IGSF11: variants seen among roughly 807,000 people sequenced by gnomAD.
IGSF11 encodes the protein immunoglobulin superfamily member 11.
IGSF11 carries 22 observed loss-of-function variants against 41.0 expected under a neutral mutation model. That is an observed-to-expected ratio of 0.54 (90% CI 0.38 to 0.77). The LOEUF (loss-of-function observed/expected upper bound fraction) is 0.77. Ranked by LOEUF, IGSF11 falls within the 30% of genes least tolerant of loss-of-function variation. The probability of loss-of-function intolerance (pLI) is 0.00; values close to 1 mark genes in which losing one functional copy is unlikely to be tolerated. For synonymous variants in IGSF11, 219 were observed against 201.3 expected (o/e 1.09, Z -0.74); for missense variants, 444 against 530.8 (o/e 0.84, Z 1.61).
At chr3:119,026,007 A>T (rs918485970) in intron 1 of IGSF11, among the ~76,000 whole-genome samples, 21 of 152,188 alleles carry the variant, frequency 1.4e-4, no homozygotes, top group African/African-American at 5.1e-4. Context: ...ATGGTGGCTC[A>T]TGCCTGTAAT....
At chr3:119,117,096 C>G (rs1453638507) in intron 1 of IGSF11, among the ~76,000 whole-genome samples, 1 of 152,006 alleles carries the variant, frequency 6.6e-6, no homozygotes, top group Non-Finnish European at 1.5e-5. Context: ...GTCTATTAAA[C>G]TCTTTCTCTG....
Position 119,105,172 on chromosome 3 carries a change from CA to C in IGSF11, c.20del (p.Leu7CysfsTer85). The C allele has an allele frequency of 6.2e-7, 1 of 1,609,162 alleles. No individual in the cohort carries two copies. The highest frequency in any genetic ancestry group is 8.5e-7 in the Non-Finnish European group (1 of 1,176,574). ...TTCTAGAAAAGCAGTTCCACCAGAGCAAAAGTTCCACCAGAGACATTTATTC... is the reference window on the plus strand; with the variant it reads ...TTCTAGAAAAGCAGTTCCACCAGAGCAAAGTTCCACCAGAGACATTTATTC... On this transcript the variant is annotated frameshift_variant, in exon 1 of 7. Transcript: ENST00000354673. LOFTEE classifies it high-confidence loss of function.
chr3:118,963,058 C>A (rs1394083200), intron 1 of IGSF11, among the ~76,000 whole-genome samples: 1 of 152,166 alleles, frequency 6.6e-6, no homozygotes, highest in Non-Finnish European at 1.5e-5. Context: ...ACACTGCCCA[C>A]TCTAGGTGAG....
intron 3 of IGSF11, among the ~76,000 whole-genome samples, chr3:118,927,264 A>G (rs1942409272): frequency 6.6e-6 from 1 of 152,180 alleles, no homozygotes; most frequent in African/African-American, 2.4e-5. Context: ...GGTAGCATTA[A>G]TTATAAAATA....
At chr3:119,046,783 C>T (rs1209526225) in intron 1 of IGSF11, among the ~76,000 whole-genome samples, 8 of 151,958 alleles carry the variant, frequency 5.3e-5, no homozygotes, top group Non-Finnish European at 1.0e-4. Flanking sequence ...GCCCATCAGA[C>T]TAACAGCGGA....
intron 1 of IGSF11, among the ~76,000 whole-genome samples, chr3:119,139,116 A>ATC (rs1559887592): frequency 6.6e-6 from 1 of 152,222 alleles, no homozygotes; most frequent in Non-Finnish European, 1.5e-5. Context: ...GTATCAAAAT[A>ATC]TCTCATTTAA....
chr3:119,045,336 C>G (rs1024839941), intron 1 of IGSF11, among the ~76,000 whole-genome samples: 1 of 152,234 alleles, frequency 6.6e-6, no homozygotes, highest in African/African-American at 2.4e-5. Context: ...ACTTGGGAAG[C>G]GCAAGGGGTC....
intron 1 of IGSF11, among the ~76,000 whole-genome samples, chr3:118,977,793 C>T (rs1934282952): frequency 6.6e-6 from 1 of 152,150 alleles, no homozygotes; most frequent in South Asian, 2.1e-4. Flanking sequence ...CTGTTCCAGA[C>T]CGGGAGCTCA....
At chr3:119,060,461 T>C (rs900108405) in intron 1 of IGSF11, among the ~76,000 whole-genome samples, 2 of 151,684 alleles carry the variant, frequency 1.3e-5, no homozygotes, top group African/African-American at 2.4e-5. Context: ...CAGTGATGGG[T>C]GTACATTTCA....
chr3:118,986,070 A>C (rs1935226386), intron 1 of IGSF11, among the ~76,000 whole-genome samples: 1 of 152,196 alleles, frequency 6.6e-6, no homozygotes, highest in South Asian at 2.1e-4. Flanking sequence ...ATTTGCAGTT[A>C]CACTTGTTAG....
chr3:119,039,860 G>GTGGTTTGTGAAA (rs1553719745), intron 1 of IGSF11, among the ~76,000 whole-genome samples: 6 of 152,174 alleles, frequency 3.9e-5, no homozygotes, highest in Non-Finnish European at 4.4e-5. Flanking sequence ...AAATTATGAC[G>GTGGTTTGTGAAA]GAGACAGTGA....
chr3:118,948,543 G>T (rs1944330791), intron 1 of IGSF11, among the ~76,000 whole-genome samples: 1 of 152,142 alleles, frequency 6.6e-6, no homozygotes, highest in African/African-American at 2.4e-5. Context: ...TAAACAGGGT[G>T]GTAATAGTCA....
At chr3:119,033,317 G>T (rs1044842455) in intron 1 of IGSF11, among the ~76,000 whole-genome samples, 6 of 152,100 alleles carry the variant, frequency 3.9e-5, no homozygotes, top group African/African-American at 1.4e-4. Context: ...AAAAGTAGTA[G>T]GACAGAGAGA....
chr3:118,990,538 A>C (rs1343634563), intron 1 of IGSF11, among the ~76,000 whole-genome samples: 11 of 152,202 alleles, frequency 7.2e-5, no homozygotes, highest in Admixed American at 7.2e-4. Flanking sequence ...TGAAATACAA[A>C]ATTCTAGAAA....
At chr3:119,109,266 A>C (rs1366780662), upstream of IGSF11, among the ~76,000 whole-genome samples, 3 of 148,900 alleles carry the variant, frequency 2.0e-5, no homozygotes, top group South Asian at 2.2e-4. Context: ...ACAATTTCAG[A>C]TCCTGTTATT....
chr3:119,006,653 CCTTT>C (rs1290912289), intron 1 of IGSF11, among the ~76,000 whole-genome samples: 1 of 131,432 alleles, frequency 7.6e-6, no homozygotes, highest in Non-Finnish European at 1.6e-5. Context: ...GTGTGGATGT[CCTTT>C]CTGTTTGTTA....
At chr3:119,138,002 A>C (rs2077585705) in intron 1 of IGSF11, among the ~76,000 whole-genome samples, 1 of 152,148 alleles carries the variant, frequency 6.6e-6, no homozygotes, top group Non-Finnish European at 1.5e-5. Context: ...TCAAAACTAC[A>C]ATGAGGTGAC....
chr3:118,976,299 T>G (rs761543278), intron 1 of IGSF11, among the ~76,000 whole-genome samples: 1 of 152,248 alleles, frequency 6.6e-6, no homozygotes, highest in African/African-American at 2.4e-5. Context: ...CCTTAAAAAT[T>G]AGTTTGTTTT....
intron 1 of IGSF11, among the ~76,000 whole-genome samples, chr3:119,077,603 C>T (rs1165763695): frequency 6.6e-6 from 1 of 152,060 alleles, no homozygotes; most frequent in Non-Finnish European, 1.5e-5. Flanking sequence ...GAAGAATTCC[C>T]CCTTAGAACT....
Sources: gnomAD v4.1 joint callset for allele counts (sites outside exome capture counted in the v4.1 genomes callset) on GRCh38, gnomAD v4.1.1 for gene constraint, MANE v1.5 for transcripts, NCBI Gene and HGNC (gene_info 2026-07-23, HGNC 2026-07-21) for gene names.